Variants in TMEM145 observed in about 807,000 individuals in gnomAD.
TMEM145 encodes transmembrane protein 145.
In TMEM145, 46 loss-of-function variants were observed where a neutral mutation model predicts 68.5. The observed-to-expected ratio is 0.67, with a 90% CI of 0.53 to 0.86. The LOEUF (loss-of-function observed/expected upper bound fraction) is 0.86, where lower values mean the gene tolerates loss of function less well. Ranked by LOEUF, TMEM145 falls within the 40% of genes least tolerant of loss-of-function variation. The probability of loss-of-function intolerance (pLI) is 0.00; values close to 1 mark genes in which losing one functional copy is unlikely to be tolerated. For missense variants in TMEM145, 570 were observed against 645.8 expected, an observed-to-expected ratio of 0.88 and a Z score of 1.27; for synonymous variants, 255 against 280.2, an observed-to-expected ratio of 0.91 and a Z score of 0.90.
chr19:42,313,449 C>T lies in TMEM145; in HGVS notation c.73C>T (p.Pro25Ser), dbSNP rs1185734254. Residue 25 changes from proline (P) to serine (S), a missense_variant, in exon 1 of 15, where the codon CCC becomes TCC. Pro to Ser is a moderately conservative substitution (Grantham distance 74). Coordinates refer to ENST00000301204, the MANE Select transcript of TMEM145 (RefSeq NM_173633.3). The surrounding 1 kb of genome is among the most constrained non-coding windows in gnomAD (Gnocchi z 5.1). ...PLLLLLLSLP[P>S]RARAKYVRGN... ...GCTGCTCCTGCTGCTGTCACTGCCCCCCCGCGCCCGGGCCAAGTACGTGCG... is the reference window on the plus strand; with the variant it reads ...GCTGCTCCTGCTGCTGTCACTGCCCTCCCGCGCCCGGGCCAAGTACGTGCG... The T allele has an allele frequency of 7.3e-7, 1 of 1,373,348 alleles. No individual in the cohort carries two copies. The highest frequency in any genetic ancestry group is 9.4e-7 in the Non-Finnish European group (1 of 1,059,698). 85.1% of individuals were successfully genotyped at this position (1,373,348 alleles called of 1,614,324 possible). A position where few individuals can be genotyped will look rare whatever the true frequency, so the allele number is the denominator to read the frequency against.
At chr19:42,324,346 G>A in intron 14 of TMEM145, 4 of 985,164 alleles carry the variant, frequency 4.1e-6, no homozygotes, top group Non-Finnish European at 4.8e-6. Context: ...TGGTGACCAT[G>A]GCCGAGCCGG....
chr19:42,317,612 C>A (rs956837555), intron 11 of TMEM145, 97 bp from the exon 12 acceptor site: 1 of 1,195,302 alleles, frequency 8.4e-7, no homozygotes, highest in Non-Finnish European at 1.2e-6. Context: ...GTGTTCTGAC[C>A]GAGTACCTCT....
In TMEM145 at chr19:42,323,625, C is replaced by G; in HGVS notation, c.1237C>G (p.His413Asp). 6.2e-7 allele frequency: 1 copy of G among 1,614,204 alleles called. No individual in the cohort carries two copies. Among genetic ancestry groups the G allele is most frequent in the Non-Finnish European group, 8.5e-7 (1 of 1,180,036 alleles). The stretch of plus-strand genomic sequence containing the variant: ...AGCGGCCAACAAGAACTTCCCGTAC[C>G]ACGTGCGCACGTCGCAGATCGCTTC... ...PSAANKNFPY[H>D]VRTSQIASAG... The change falls in exon 14 of 15, where the codon CAC (histidine) becomes GAC (aspartate). Residue 413 changes from histidine to aspartate, a missense_variant. His to Asp is a moderately conservative substitution (Grantham distance 81, BLOSUM62 -1). Coordinates refer to ENST00000301204, the MANE Select transcript of TMEM145 (RefSeq NM_173633.3).
Position 42,322,707 on chromosome 19 carries a change from A to C in TMEM145, c.1195-876A>C, listed in dbSNP as rs966536120. Among the ~76,000 whole-genome samples, 71 of 150,552 alleles carry C rather than the reference A, an allele frequency of 4.7e-4. 3 individuals carry two copies. The highest frequency in any genetic ancestry group is 2.0e-4 in the Admixed American group (3 of 15,074). On this transcript the variant is annotated intron_variant, in intron 13 of 14. Transcript: ENST00000301204. ...TTTATTTATTTATTTATTTATTTTA[A>C]ATTTTTTTTTTTTGAGATGGAATCT...
chr19:42,316,871 G>C lies in TMEM145; in HGVS notation c.808G>C (p.Gly270Arg). 5.0e-6 allele frequency: 8 copies of C among 1,613,290 alleles called. No individual in the cohort carries two copies. Among genetic ancestry groups the C allele is most frequent in the Non-Finnish European group, 6.8e-6 (8 of 1,179,896 alleles). ...LLGKGFTVTR[G>R]RISHAGSVKL... ...TCTCCCCTCATGGCCTGCTGCCAGG[G>C]GCCGCATCAGCCACGCGGGCTCCGT... Residue 270 changes from glycine to arginine, a missense_variant and splice_region_variant, in exon 11 of 15, where the codon GGC (glycine) becomes CGC (arginine). Transcript: ENST00000301204.
intron 12 of TMEM145, among the ~76,000 whole-genome samples, chr19:42,318,082 A>T (rs2038876738): frequency 6.6e-6 from 1 of 152,064 alleles, no homozygotes; most frequent in African/African-American, 2.4e-5. Context: ...AAACAACAGG[A>T]TCTCGCCAGG....
In TMEM145 at chr19:42,313,822, C is replaced by T. The variant is rs2038826942; in HGVS notation, c.120+326C>T. Among the ~76,000 whole-genome samples, 1 of 151,932 alleles carries T rather than the reference C, an allele frequency of 6.6e-6. No individual in the cohort carries two copies. The highest frequency in any genetic ancestry group is 1.9e-4 in the East Asian group (1 of 5,152). On this transcript the variant is annotated intron_variant, in intron 1 of 14. Coordinates refer to ENST00000301204, the MANE Select transcript of TMEM145 (RefSeq NM_173633.3). This position sits in a 1 kb window ranked among gnomAD's most constrained non-coding sequence, Gnocchi z 5.1. ...AGCACTTTTCACTCAGCAGAGAGCCCCGAGCTCGCCGCCACACTCCCGCTC... is the reference window on the plus strand; with the variant it reads ...AGCACTTTTCACTCAGCAGAGAGCCTCGAGCTCGCCGCCACACTCCCGCTC...
intron 14 of TMEM145, 48 bp from the exon 15 acceptor site, chr19:42,324,689 T>A: frequency 1.5e-6 from 1 of 674,288 alleles, no homozygotes; most frequent in South Asian, 2.3e-5. Context: ...CCCTCCCCTC[T>A]GTGCCAAACG....
At chr19:42,317,958 C>G in intron 12 of TMEM145, 77 bp downstream of exon 12, 1 of 1,513,750 alleles carries the variant, frequency 6.6e-7, no homozygotes, top group Non-Finnish European at 9.1e-7. Context: ...CCATCTCAGA[C>G]CCTCCATAGT....
intron 12 of TMEM145, among the ~76,000 whole-genome samples, chr19:42,319,721 T>TACAG (rs1194262138): frequency 2.0e-5 from 3 of 151,414 alleles, no homozygotes; most frequent in African/African-American, 7.3e-5. Flanking sequence ...GTACTGGGAT[T>TACAG]ACAGGCATAA....
intron 14 of TMEM145, among the ~76,000 whole-genome samples, chr19:42,324,087 C>A (rs527923028): frequency 6.6e-6 from 1 of 151,996 alleles, no homozygotes; most frequent in Non-Finnish European, 1.5e-5. Flanking sequence ...GTTCGCCCCG[C>A]GCGCCCCGAC....
chr19:42,324,146 G>C (rs2038943037), intron 14 of TMEM145: 1 of 685,372 alleles, frequency 1.5e-6, no homozygotes, highest in Non-Finnish European at 1.8e-6. Context: ...CCGCCACCCA[G>C]TCCTTCCCTG....
intron 7 of TMEM145, 40 bp downstream of exon 7, chr19:42,315,299 G>A (rs750683248): frequency 3.7e-6 from 6 of 1,613,864 alleles, no homozygotes; most frequent in Non-Finnish European, 1.7e-6. Context: ...GAGATAGGAG[G>A]GAGCAGGGTT....
intron 14 of TMEM145, 42 bp from the exon 15 acceptor site, chr19:42,324,695 A>T: frequency 5.2e-6 from 5 of 964,718 alleles, no homozygotes; most frequent in South Asian, 3.4e-5. Flanking sequence ...CCTCTGTGCC[A>T]AACGGTCCCG....
intron 8 of TMEM145, 70 bp downstream of exon 8, chr19:42,315,510 G>T: frequency 6.5e-7 from 1 of 1,540,882 alleles, no homozygotes. Context: ...CTGGGCCTAA[G>T]AGGAATGCCT....
At chr19:42,316,780 G>T (rs374653624) in intron 10 of TMEM145, 40 bp downstream of exon 10, 71 of 1,579,660 alleles carry the variant, frequency 4.5e-5, no homozygotes, top group Non-Finnish European at 6.1e-5. Flanking sequence ...GCTGGTGGGG[G>T]AGCAGGGCAG....
In TMEM145 at chr19:42,320,367, A is replaced by G. The variant is rs2038899730; in HGVS notation, c.1124A>G (p.Lys375Arg). The G allele has an allele frequency of 1.2e-6, 2 of 1,614,112 alleles. No individual in the cohort carries two copies. The highest frequency in any genetic ancestry group is 1.7e-6 in the Non-Finnish European group (2 of 1,180,018). Residue 375 changes from lysine (K) to arginine (R), a missense_variant, in exon 13 of 15, where the codon AAG (lysine) becomes AGG (arginine). Transcript: ENST00000301204. ...MALIANFGIP[K>R]WAREKIVNGI... The stretch of plus-strand genomic sequence containing the variant: ...CTGATTGCCAATTTCGGCATCCCCA[A>G]GTGGGCCCGGGAGAAGATTGTCAAT...
intron 14 of TMEM145, chr19:42,324,503 G>A (rs973413665): frequency 2.0e-6 from 2 of 985,218 alleles, no homozygotes; most frequent in African/African-American, 3.5e-5. Flanking sequence ...GCACACGGCC[G>A]GGGGCACTGC....
At chr19:42,316,409 T>C in intron 8 of TMEM145, 72 bp from the exon 9 acceptor site, 1 of 1,418,792 alleles carries the variant, frequency 7.0e-7, no homozygotes, top group African/African-American at 1.4e-5. Context: ...ACTGCCTGGA[T>C]GGTAGTGCTA....
Sources: allele counts gnomAD v4.1 joint callset (sites outside exome capture counted in the v4.1 genomes callset), GRCh38; gene constraint gnomAD v4.1.1; non-coding constraint Gnocchi (gnomAD v3.1); transcripts MANE v1.5; gene names NCBI Gene and HGNC (gene_info 2026-07-23, HGNC 2026-07-21).